The following USH2A variants were observed in gnomAD, a reference collection of about 807,000 sequenced individuals.
The protein encoded by USH2A is usherin.
Under a neutral mutation model 538.9 loss-of-function variants are expected in USH2A, and 443 were observed. The observed-to-expected ratio is 0.82, with a 90% CI of 0.76 to 0.89. The LOEUF (loss-of-function observed/expected upper bound fraction) is 0.89. Ranked by LOEUF, USH2A falls within the 40% of genes least tolerant of loss-of-function variation. The pLI, the probability that USH2A is intolerant of heterozygous loss-of-function variation, is 0.00. For missense variants in USH2A, 6,633 were observed against 6,324.8 expected, an observed-to-expected ratio of 1.05 and a Z score of -1.65; for synonymous variants, 2,413 against 2,273.5, an observed-to-expected ratio of 1.06 and a Z score of -1.75.
chr1:215,634,751 T>G, intron 69 of USH2A, 48 bp from the exon 70 acceptor site: 3 of 1,613,994 alleles, frequency 1.9e-6, no homozygotes, highest in Non-Finnish European at 2.5e-6. Flanking sequence ...CAGAAAGCAT[T>G]TTTGTCATCT....
At chr1:216,284,384 C>A (rs2036842100) in intron 11 of USH2A, among the ~76,000 whole-genome samples, 1 of 152,092 alleles carries the variant, frequency 6.6e-6, no homozygotes, top group Non-Finnish European at 1.5e-5. Flanking sequence ...CTTTCCCCCA[C>A]CCTCACTTGG....
intron 47 of USH2A, 145 bp downstream of exon 47, chr1:215,837,846 G>C: frequency 1.4e-6 from 1 of 722,870 alleles, no homozygotes; most frequent in Non-Finnish European, 2.5e-6. Context: ...TAATATCTGT[G>C]AAATAATATC....
intron 46 of USH2A, among the ~76,000 whole-genome samples, chr1:215,842,415 C>T (rs1663706567): frequency 6.6e-6 from 1 of 152,108 alleles, no homozygotes; most frequent in Non-Finnish European, 1.5e-5. Flanking sequence ...CCTCAAAGAC[C>T]TAGGACCAGA....
intron 61 of USH2A, among the ~76,000 whole-genome samples, chr1:215,718,449 G>A (rs1202196154): frequency 1.3e-5 from 2 of 152,126 alleles, no homozygotes; most frequent in Admixed American, 6.6e-5. Context: ...ACCCATCAAG[G>A]TAATTACTTT....
intron 3 of USH2A, among the ~76,000 whole-genome samples, chr1:216,375,652 T>C (rs1168412397): frequency 1.3e-5 from 2 of 152,182 alleles, no homozygotes; most frequent in East Asian, 1.9e-4. Context: ...TTTGTGGTCA[T>C]TAGAGTAGCA....
chr1:215,664,735 A>T lies in USH2A; in HGVS notation c.14133+6237T>A, dbSNP rs559363361. On this transcript the variant is annotated intron_variant, in intron 64 of 71. Transcript: ENST00000307340. ...CCTTTGGGAGGTTATTAGGTTGCAT[A>T]GGGTGGAGCCCTCATGAAGGGGACT... 7.2e-5 allele frequency among the ~76,000 whole-genome samples: 11 copies of T among 152,232 alleles called. 1 individual carries two copies. The South Asian group carries it at 2.3e-3, about 32-fold the overall frequency.
In USH2A at chr1:215,892,278, ATCAG is replaced by A. The variant is rs563600587; in HGVS notation, c.7595-3228_7595-3225del. ...TTGCTATTCGAGTTACCCATGACTG[ATCAG>A]TCAGTTTTCTTGTTACATTCTCATT... On this transcript the variant is annotated intron_variant, in intron 40 of 71. Coordinates refer to ENST00000307340, the MANE Select transcript of USH2A (RefSeq NM_206933.4). Among the ~76,000 whole-genome samples, 429 of 152,200 alleles carry A rather than the reference ATCAG, an allele frequency of 2.8e-3. 1 individual carries two copies. The highest frequency in any genetic ancestry group is 4.8e-3 in the Admixed American group (73 of 15,278).
chr1:215,938,693 C>T (rs1485638376), intron 37 of USH2A, among the ~76,000 whole-genome samples: 2 of 152,104 alleles, frequency 1.3e-5, no homozygotes, highest in South Asian at 2.1e-4. Flanking sequence ...ACCGCAACTC[C>T]CCACTGCCTG....
In USH2A at chr1:215,771,050, C is replaced by T. The variant is rs374262270; in HGVS notation, c.10940-4262G>A. Among the ~76,000 whole-genome samples the T allele has an allele frequency of 2.7e-5, 4 of 150,470 alleles. No individual in the cohort carries two copies. The East Asian group carries it at 7.9e-4, about 30-fold the overall frequency. On this transcript the variant is annotated intron_variant, in intron 55 of 71. Coordinates refer to ENST00000307340, the MANE Select transcript of USH2A (RefSeq NM_206933.4). ...GCTGATGCTGGAGAATTGCTTGAAC[C>T]TGGGAGGCAGAGGTTGCAGTGAGCT... is the stretch of plus-strand genomic sequence containing the variant.
chr1:216,154,115 T>G (rs1345228358), intron 21 of USH2A, among the ~76,000 whole-genome samples: 1 of 152,180 alleles, frequency 6.6e-6, no homozygotes, highest in Non-Finnish European at 1.5e-5. Flanking sequence ...CTATTTCATA[T>G]TTTTACTGAC....
intron 21 of USH2A, chr1:216,174,323 T>C (rs1012099069): frequency 1.0e-6 from 1 of 979,826 alleles, no homozygotes; most frequent in Non-Finnish European, 1.2e-6. Context: ...ACTTTGTAAA[T>C]TTTTTTAAAA....
intron 38 of USH2A, among the ~76,000 whole-genome samples, chr1:215,919,320 C>T (rs1666038226): frequency 6.6e-6 from 1 of 152,098 alleles, no homozygotes; most frequent in African/African-American, 2.4e-5. Context: ...ATGTGTACTG[C>T]ATCACGTTGT....
chr1:216,095,694 C>T (rs1029494953), intron 22 of USH2A, among the ~76,000 whole-genome samples: 1 of 152,108 alleles, frequency 6.6e-6, no homozygotes, highest in Admixed American at 6.6e-5. Flanking sequence ...CTTCGAGTGG[C>T]CACTGTGCGG....
intron 21 of USH2A, among the ~76,000 whole-genome samples, chr1:216,135,627 A>G (rs574937800): frequency 7.9e-5 from 12 of 152,206 alleles, no homozygotes; most frequent in African/African-American, 2.9e-4. Flanking sequence ...AATACACCAA[A>G]TGGGAAAATG....
At chr1:215,763,167 T>C (rs1661030017) in intron 56 of USH2A, among the ~76,000 whole-genome samples, 1 of 152,224 alleles carries the variant, frequency 6.6e-6, no homozygotes, top group African/African-American at 2.4e-5. Context: ...TTTTCTGTGT[T>C]GGGCACTGTG....
chr1:215,877,897 G>C lies in USH2A; in HGVS notation c.8559-17C>G, dbSNP rs1457969828. The C allele has an allele frequency of 1.9e-6, 3 of 1,613,338 alleles. No homozygotes were observed. Among genetic ancestry groups the C allele is most frequent in the African/African-American group, 1.3e-5 (1 of 74,920 alleles). ...AGCTCATATCTAAAGCAAAAGACAAGCAGGAACATCAGGATTATCTCAACT... is the reference window on the plus strand; with the variant it reads ...AGCTCATATCTAAAGCAAAAGACAACCAGGAACATCAGGATTATCTCAACT... On this transcript the variant is annotated splice_polypyrimidine_tract_variant and intron_variant, in intron 42 of 71. Transcript: ENST00000307340.
At chr1:215,673,237 A>G (rs1420194484) in intron 63 of USH2A, among the ~76,000 whole-genome samples, 1 of 152,200 alleles carries the variant, frequency 6.6e-6, no homozygotes, top group Non-Finnish European at 1.5e-5. Flanking sequence ...ACAGCACTAT[A>G]TATCAGAGGT....
At chr1:216,044,386 G>A (rs2030424901) in intron 32 of USH2A, among the ~76,000 whole-genome samples, 1 of 152,074 alleles carries the variant, frequency 6.6e-6, no homozygotes. Flanking sequence ...ATGTAAAAAT[G>A]TAATATATGT....
intron 21 of USH2A, among the ~76,000 whole-genome samples, chr1:216,139,842 T>A (rs1011522258): frequency 6.6e-6 from 1 of 152,208 alleles, no homozygotes; most frequent in Non-Finnish European, 1.5e-5. Context: ...CCGCTGGTTA[T>A]ATATTTGTAT....
Sources: allele counts gnomAD v4.1 joint callset (sites outside exome capture counted in the v4.1 genomes callset), GRCh38; gene constraint gnomAD v4.1.1; transcripts MANE v1.5; gene names NCBI Gene and HGNC (gene_info 2026-07-23, HGNC 2026-07-21).